RBFOX2: variants seen among roughly 807,000 people sequenced by gnomAD.
The protein encoded by RBFOX2 is RNA binding fox-1 homolog 2, also known as RNA binding protein fox-1 homolog 2.
A neutral mutation model predicts 49.1 loss-of-function variants in RBFOX2; 10 were observed. That is an observed-to-expected ratio of 0.20 (90% confidence interval 0.13 to 0.35). The LOEUF (loss-of-function observed/expected upper bound fraction) is 0.35, where lower values mean the gene tolerates loss of function less well. RBFOX2 is among the 10% of genes least tolerant of loss of function. The pLI is 1.00. For synonymous variants in RBFOX2, 183 were observed against 187.4 expected (o/e 0.98, Z 0.19); for missense variants, 323 against 486.9 (o/e 0.66, Z 3.17).
At chr22:35,781,810 C>A in intron 2 of RBFOX2, 64 bp from the exon 4 acceptor site, 1 of 1,598,906 alleles carries the variant, frequency 6.3e-7, no homozygotes, top group Non-Finnish European at 8.5e-7. Flanking sequence ...AAGTTATCCC[C>A]CCACAGCAAT....
At chr22:35,844,798 G>C (rs907157848), upstream of RBFOX2, among the ~76,000 whole-genome samples, 1 of 151,822 alleles carries the variant, frequency 6.6e-6, no homozygotes, top group African/African-American at 2.4e-5. Context: ...GAGCCACCGC[G>C]CCTGGCCTTA....
chr22:35,838,982 C>A (rs555346452), intron 1 of RBFOX2, among the ~76,000 whole-genome samples: 68 of 152,306 alleles, frequency 4.5e-4, no homozygotes, highest in African/African-American at 1.6e-3. Flanking sequence ...ATGCCTCCAT[C>A]CTGATAACTA....
intron 1 of RBFOX2, among the ~76,000 whole-genome samples, chr22:35,985,902 G>GATGGATA (rs2057691675): frequency 1.9e-3 from 279 of 144,066 alleles, no homozygotes; most frequent in African/African-American, 6.3e-3. Flanking sequence ...ATAGATAGAT[G>GATGGATA]GATAGATAGA....
At chr22:35,885,240 C>T (rs1467098660) in intron 1 of RBFOX2, among the ~76,000 whole-genome samples, 2 of 152,230 alleles carry the variant, frequency 1.3e-5, no homozygotes, top group South Asian at 2.1e-4. Flanking sequence ...ACCACCTACC[C>T]CTGCCCAGCC....
chr22:35,811,801 A>G (rs1184310385), intron 1 of RBFOX2, among the ~76,000 whole-genome samples: 1 of 150,870 alleles, frequency 6.6e-6, no homozygotes, highest in Non-Finnish European at 1.5e-5. Context: ...CTGTCTCTAG[A>G]AAAACTTTAA....
At chr22:35,995,113 G>A (rs2058135445) in intron 1 of RBFOX2, 1 of 152,194 alleles carries the variant, frequency 6.6e-6, no homozygotes, top group Non-Finnish European at 1.5e-5. Flanking sequence ...CAACTACTTT[G>A]AAGAACTGAA....
At chr22:35,878,009 C>T (rs1234623003) in intron 1 of RBFOX2, among the ~76,000 whole-genome samples, 1 of 148,896 alleles carries the variant, frequency 6.7e-6, no homozygotes, top group Non-Finnish European at 1.5e-5. Flanking sequence ...TTTTATTTTA[C>T]ATACATATAC....
chr22:35,842,118 C>G (rs955496706), upstream of RBFOX2, among the ~76,000 whole-genome samples: 1 of 152,134 alleles, frequency 6.6e-6, no homozygotes, highest in Non-Finnish European at 1.5e-5. Flanking sequence ...CATCATTACA[C>G]CCGCTCCTAA....
intron 2 of RBFOX2, among the ~76,000 whole-genome samples, chr22:35,804,329 G>GA (rs981684994): frequency 6.7e-6 from 1 of 150,154 alleles, no homozygotes; most frequent in African/African-American, 2.4e-5. Flanking sequence ...GAGAAGAAAG[G>GA]AAAAAAAAAT....
At chr22:35,865,482 G>T in intron 1 of RBFOX2, among the ~76,000 whole-genome samples, 1 of 152,112 alleles carries the variant, frequency 6.6e-6, no homozygotes, top group Admixed American at 6.5e-5. Flanking sequence ...CCAAAAACCC[G>T]TATCTTTAAT....
intron 2 of RBFOX2, among the ~76,000 whole-genome samples, chr22:35,798,711 T>C (rs1949238887): frequency 6.6e-6 from 1 of 152,218 alleles, no homozygotes; most frequent in African/African-American, 2.4e-5. Context: ...CAAAAAATTA[T>C]TTAAGGACTG....
chr22:35,942,709 G>A (rs2053827663), upstream of RBFOX2, among the ~76,000 whole-genome samples: 1 of 145,768 alleles, frequency 6.9e-6, no homozygotes, highest in African/African-American at 2.6e-5. Context: ...GCAGCACAGC[G>A]ACATCCCATC....
chr22:35,814,628 T>C (rs1306083753), intron 1 of RBFOX2, among the ~76,000 whole-genome samples: 1 of 148,280 alleles, frequency 6.7e-6, no homozygotes, highest in Non-Finnish European at 1.5e-5. Flanking sequence ...AGAGGATCAC[T>C]TGAGCTTGGG....
chr22:36,005,356 C>T (rs1416684638), intron 1 of RBFOX2, among the ~76,000 whole-genome samples: 1 of 152,174 alleles, frequency 6.6e-6, no homozygotes, highest in East Asian at 1.9e-4. Flanking sequence ...AATGACCATA[C>T]TGCAAAAACG....
chr22:35,846,664 A>G (rs1430454562), intron 1 of RBFOX2, among the ~76,000 whole-genome samples: 2 of 152,022 alleles, frequency 1.3e-5, no homozygotes, highest in African/African-American at 4.8e-5. Context: ...CTGAGGCAGG[A>G]GAACTGCTTG....
intron 1 of RBFOX2, among the ~76,000 whole-genome samples, chr22:36,013,000 G>A (rs1164157488): frequency 6.6e-6 from 1 of 152,048 alleles, no homozygotes; most frequent in African/African-American, 2.4e-5. Context: ...TCCTGACCTC[G>A]TGATTCGCCC....
intron 9 of RBFOX2, among the ~76,000 whole-genome samples, chr22:35,758,458 AC>A (rs1018334286): frequency 6.6e-6 from 1 of 152,208 alleles, no homozygotes; most frequent in Non-Finnish European, 1.5e-5. Context: ...ACAACGGAAG[AC>A]ATTTCACAAA....
Position 35,903,224 on chromosome 22 carries a change from C to T in RBFOX2, c.-34+35623G>A, listed in dbSNP as rs2048780857. 3.9e-5 allele frequency among the ~76,000 whole-genome samples: 6 copies of T among 152,130 alleles called. No individual in the cohort carries two copies. The South Asian group carries it at 1.2e-3, about 32-fold the overall frequency. On this transcript the variant is annotated intron_variant, in intron 1 of 13. Coordinates refer to the RBFOX2 transcript ENST00000359369. ...ATCTACTCAAAACAAAGTTTCCAAG[C>T]CCTCCACTCCATTAAATCAACTTAT...
At chr22:35,993,192 T>G (rs778219181) in intron 1 of RBFOX2, 8 of 152,210 alleles carry the variant, frequency 5.3e-5, no homozygotes, top group Non-Finnish European at 1.0e-4. Context: ...AAGGACCATT[T>G]TGATTACAGG....
Sources: gnomAD v4.1 joint callset for allele counts (sites outside exome capture counted in the v4.1 genomes callset) on GRCh38, gnomAD v4.1.1 for gene constraint, MANE v1.5 for transcripts, NCBI Gene and HGNC (gene_info 2026-07-23, HGNC 2026-07-21) for gene names.